MYO19: variants seen among roughly 807,000 people sequenced by gnomAD.
MYO19 encodes unconventional myosin-XIX.
MYO19 carries 132 observed loss-of-function variants against 129.2 expected under a neutral mutation model. The ratio of observed to expected loss-of-function variants is 1.02; its 90% CI spans 0.89 to 1.18. MYO19 has a LOEUF of 1.18. Ranked by LOEUF, MYO19 falls within the 50% of genes most tolerant of loss-of-function variation. MYO19 has a pLI of 0.00. For missense variants in MYO19, 1,210 were observed against 1,216.7 expected, an observed-to-expected ratio of 0.99 and a Z score of 0.08; for synonymous variants, 531 against 477.2, an observed-to-expected ratio of 1.11 and a Z score of -1.47.
intron 1 of MYO19, 179 bp downstream of exon 1, chr17:36,534,582 G>A (rs914379143): frequency 1.3e-5 from 2 of 152,310 alleles, no homozygotes; most frequent in African/African-American, 4.8e-5. Context: ...GCCAAGAGCT[G>A]GGCTACCCCC....
At chr17:36,496,492 G>C in intron 25 of MYO19, 86 bp from the exon 26 acceptor site, 2 of 1,330,692 alleles carry the variant, frequency 1.5e-6, no homozygotes, top group Non-Finnish European at 2.1e-6. Context: ...CGCTAAAAAT[G>C]CAAGAAGGTA....
chr17:36,515,313 T>C, intron 7 of MYO19, 131 bp from the exon 8 acceptor site: 1 of 709,238 alleles, frequency 1.4e-6, no homozygotes, highest in South Asian at 2.1e-5. Context: ...TTGGTTTTCA[T>C]GTCATAGGGG....
At chr17:36,538,358 A>T (rs775967256), upstream of MYO19, 1 of 1,614,176 alleles carries the variant, frequency 6.2e-7, no homozygotes, top group Admixed American at 1.7e-5. Flanking sequence ...CACCTGTTAC[A>T]AATAAAAAGC....
Position 36,499,068 on chromosome 17 carries a change from T to C in MYO19, c.2463+7A>G, listed in dbSNP as rs756462232. 6.2e-7 allele frequency: 1 copy of C among 1,602,344 alleles called. No homozygotes were observed. Among genetic ancestry groups the C allele is most frequent in the Admixed American group, 1.7e-5 (1 of 58,820 alleles). On this transcript the variant is annotated splice_region_variant and intron_variant, in intron 24 of 25. Transcript: ENST00000614623. ...CTGCCCACCCCGACTTCTTGGGTCT[T>C]ACTTACTCTCCACTTCTGCCATGCA...
At chr17:36,507,343 C>T in intron 16 of MYO19, 56 bp downstream of exon 16, 3 of 1,518,424 alleles carry the variant, frequency 2.0e-6, no homozygotes, top group South Asian at 2.2e-5. Flanking sequence ...ATCATCAAGG[C>T]CCCAGAAAAC....
intron 19 of MYO19, chr17:36,505,012 A>G: frequency 1.6e-6 from 1 of 612,920 alleles, no homozygotes; most frequent in Non-Finnish European, 3.1e-6. Flanking sequence ...TAATCACGAG[A>G]CACCCATTCC....
At chr17:36,538,233 G>A (rs79448900), upstream of MYO19, 14 of 1,612,988 alleles carry the variant, frequency 8.7e-6, no homozygotes, top group Non-Finnish European at 1.2e-5. Flanking sequence ...TATTTGGATA[G>A]TTGCTTCTAG....
In MYO19 at chr17:36,515,069, C is replaced by T. The variant is rs764251681; in HGVS notation, c.617+44G>A. 45 of 1,561,662 alleles carry T rather than the reference C, an allele frequency of 2.9e-5. No individual in the cohort carries two copies. The Admixed American group carries it at 4.9e-4, about 17-fold the overall frequency. On this transcript the variant is annotated intron_variant, in intron 8 of 25. Transcript: ENST00000614623. ...TACTGCCCCAGCCACTTTCAACCTC[C>T]CCAGTCCCATCCTCCCACTAGCCAG...
chr17:36,498,625 C>G, intron 24 of MYO19, 66 bp from the exon 25 acceptor site: 7 of 1,472,888 alleles, frequency 4.8e-6, no homozygotes, highest in East Asian at 2.4e-5. Context: ...AAATGGAAAT[C>G]AAAACTATCT....
chr17:36,516,664 GC>G (rs2072772678), intron 6 of MYO19, among the ~76,000 whole-genome samples: 1 of 151,546 alleles, frequency 6.6e-6, no homozygotes, highest in Non-Finnish European at 1.5e-5. Flanking sequence ...ACCGCACCTG[GC>G]CCCAAGCAGT....
In MYO19 at chr17:36,498,205, G is replaced by C. The variant is rs374149030; in HGVS notation, c.2757+61C>G. 12 of 1,548,866 alleles carry C rather than the reference G, an allele frequency of 7.7e-6. No individual in the cohort carries two copies. The African/African-American group carries it at 1.5e-4, about 19-fold the overall frequency. On this transcript the variant is annotated intron_variant, in intron 25 of 25. Transcript: ENST00000614623. ...TCAGTCTCATTCCCGCTGTGAACTT[G>C]TAGGCTTTGCTCCTGCTGTTCTCAG... is the stretch of plus-strand genomic sequence containing the variant.
intron 11 of MYO19, chr17:36,513,009 C>G (rs998849354): frequency 4.4e-6 from 4 of 918,110 alleles, no homozygotes; most frequent in Non-Finnish European, 5.7e-6. Context: ...CGTCACTTTA[C>G]CTCTCTGGTT....
In MYO19 at chr17:36,522,514, AAAG is replaced by A. The variant is rs2073198381; in HGVS notation, c.414+2711_414+2713del. ...CGACAGTGCGAGACTTGGTCAAAAA[AAAG>A]AAAAAAAAAAATAGAATATGGTTCA... On this transcript the variant is annotated intron_variant, in intron 6 of 25. Coordinates refer to ENST00000614623, the MANE Select transcript of MYO19 (RefSeq NM_001163735.2). Among the ~76,000 whole-genome samples, 4 of 151,470 alleles carry A rather than the reference AAAG, an allele frequency of 2.6e-5. No individual in the cohort carries two copies. The South Asian group carries it at 8.3e-4, about 32-fold the overall frequency.
At position 36,528,393 on chromosome 17, in the gene MYO19, C is replaced by A. The variant is rs532539619; in HGVS notation, c.13-191G>T. 3.3e-5 allele frequency among the ~76,000 whole-genome samples: 5 copies of A among 152,244 alleles called. No homozygotes were observed. The South Asian group carries it at 1.0e-3, about 32-fold the overall frequency. ...AGGCATGGTGGCGGGCACCTGTAGTCCCAGCTACTCGGAAGGCTGAGGCAG... is the reference window on the plus strand; with the variant it reads ...AGGCATGGTGGCGGGCACCTGTAGTACCAGCTACTCGGAAGGCTGAGGCAG... On this transcript the variant is annotated intron_variant, in intron 3 of 25. Coordinates refer to ENST00000614623, the MANE Select transcript of MYO19 (RefSeq NM_001163735.2).
At chr17:36,529,517 T>C (rs79121660) in intron 3 of MYO19, among the ~76,000 whole-genome samples, 11,045 of 152,128 alleles carry the variant, frequency 0.073, 695 homozygotes, top group African/African-American at 0.17. Flanking sequence ...AAATTTCAAA[T>C]CTCTCATAGA....
rs943009624 is a variant in MYO19 at position 36,531,964 on chromosome 17, G to A, written c.12+563C>T. Reference sequence around the variant, plus strand: ...TGATATGGGTATGAGAGAGAGCTCCGCTGTAAAAGGTGATTTGGAATCCTA... The same window carrying A: ...TGATATGGGTATGAGAGAGAGCTCCACTGTAAAAGGTGATTTGGAATCCTA... On this transcript the variant is annotated intron_variant, in intron 3 of 25. Transcript: ENST00000614623. Among the ~76,000 whole-genome samples, 4 of 152,186 alleles carry A rather than the reference G, an allele frequency of 2.6e-5. No homozygotes were observed. In the East Asian group the frequency reaches 7.7e-4, roughly 29 times the overall value.
intron 6 of MYO19, among the ~76,000 whole-genome samples, chr17:36,523,900 T>A (rs981071028): frequency 6.6e-6 from 1 of 152,202 alleles, no homozygotes; most frequent in Non-Finnish European, 1.5e-5. Context: ...GGGAACAAGG[T>A]TGAAAGACAA....
At chr17:36,515,688 A>C (rs2072696786) in intron 7 of MYO19, among the ~76,000 whole-genome samples, 170 bp downstream of exon 7, 1 of 152,176 alleles carries the variant, frequency 6.6e-6, no homozygotes, top group Admixed American at 6.5e-5. Flanking sequence ...CTCTGTTAGA[A>C]TGATGCTAAG....
At chr17:36,511,481 G>T in intron 11 of MYO19, 26 bp from the exon 12 acceptor site, 1 of 1,549,794 alleles carries the variant, frequency 6.5e-7, no homozygotes, top group East Asian at 2.4e-5. Context: ...GGATGGGTGG[G>T]AGTAGGAGAG....
Sources: allele counts gnomAD v4.1 joint callset (sites outside exome capture counted in the v4.1 genomes callset), GRCh38; gene constraint gnomAD v4.1.1; transcripts MANE v1.5; gene names NCBI Gene and HGNC (gene_info 2026-07-23, HGNC 2026-07-21).